Variants in CSGALNACT1 observed in about 807,000 individuals in gnomAD.
The protein encoded by CSGALNACT1 is chondroitin sulfate N-acetylgalactosaminyltransferase 1, also known as beta4GalNAcT-1.
Under a neutral mutation model 51.0 loss-of-function variants are expected in CSGALNACT1, and 52 were observed. The ratio of observed to expected loss-of-function variants is 1.02; its 90% CI spans 0.82 to 1.29. The LOEUF (loss-of-function observed/expected upper bound fraction) is 1.29, where lower values mean the gene tolerates loss of function less well. Among genes scored for constraint, CSGALNACT1 ranks in the 50% most tolerant of loss-of-function variants. The pLI is 0.00. For missense variants in CSGALNACT1, 935 were observed against 679.2 expected (o/e 1.38, Z -4.19); for synonymous variants, 341 against 254.4 (o/e 1.34, Z -3.24).
chr8:19,619,432 C>T lies in CSGALNACT1; in HGVS notation c.-543-17567G>A, dbSNP rs546082944. Reference sequence around the variant, plus strand: ...AGCCATGTCCTAAGTGCAATGGAGTCGCAAAGACCTTATTTGTGACATAGT... The same window carrying T: ...AGCCATGTCCTAAGTGCAATGGAGTTGCAAAGACCTTATTTGTGACATAGT... On this transcript the variant is annotated intron_variant, in intron 1 of 9. Coordinates refer to the CSGALNACT1 transcript ENST00000332246. 4.7e-4 allele frequency among the ~76,000 whole-genome samples: 71 copies of T among 152,068 alleles called. No individual in the cohort carries two copies. In the South Asian group the frequency reaches 0.014, roughly 29 times the overall value.
intron 1 of CSGALNACT1, among the ~76,000 whole-genome samples, chr8:19,608,829 A>T (rs77007580): frequency 0.047 from 7,132 of 152,260 alleles, 549 homozygotes; most frequent in African/African-American, 0.16. Flanking sequence ...TCACCAAACT[A>T]GAACAGGCAT....
chr8:19,617,024 G>A (rs2053124567), intron 1 of CSGALNACT1, among the ~76,000 whole-genome samples: 1 of 152,198 alleles, frequency 6.6e-6, no homozygotes, highest in Non-Finnish European at 1.5e-5. Flanking sequence ...TCACCATAAT[G>A]TTGAATTATT....
At chr8:19,404,838 ATTTTC>A (rs1044783105) in exon 10 of CSGALNACT1, 8 of 454,334 alleles carry the variant, frequency 1.8e-5, no homozygotes, top group African/African-American at 4.0e-5. Context: ...AGAAAGTGTC[ATTTTC>A]TTTTCCTCCA....
chr8:19,547,099 T>C (rs2086652605), intron 3 of CSGALNACT1, among the ~76,000 whole-genome samples: 4 of 152,094 alleles, frequency 2.6e-5, no homozygotes, highest in African/African-American at 9.7e-5. Context: ...TATAAAGTGA[T>C]ATCCTCAGTC....
At chr8:19,497,277 CCTT>C (rs558525517) in intron 4 of CSGALNACT1, among the ~76,000 whole-genome samples, 2 of 152,222 alleles carry the variant, frequency 1.3e-5, no homozygotes, top group South Asian at 2.1e-4. Context: ...AGTACAGAGA[CCTT>C]CTCTGAAATA....
intron 3 of CSGALNACT1, among the ~76,000 whole-genome samples, chr8:19,579,372 G>A (rs1021257980): frequency 1.3e-5 from 2 of 152,138 alleles, no homozygotes; most frequent in Non-Finnish European, 2.9e-5. Context: ...GTTTCTTCTA[G>A]AAGGCTCTGG....
chr8:19,627,516 C>G (rs995449591), intron 1 of CSGALNACT1, among the ~76,000 whole-genome samples: 2 of 152,028 alleles, frequency 1.3e-5, no homozygotes, highest in African/African-American at 4.8e-5. Flanking sequence ...TATACACACA[C>G]ACAAACACAA....
intron 3 of CSGALNACT1, among the ~76,000 whole-genome samples, chr8:19,574,750 G>C (rs536495342): frequency 6.6e-6 from 1 of 151,990 alleles, no homozygotes; most frequent in Non-Finnish European, 1.5e-5. Context: ...TCCTCTCTCC[G>C]GCCAGATGTG....
intron 4 of CSGALNACT1, among the ~76,000 whole-genome samples, chr8:19,501,998 T>C (rs776147410): frequency 2.0e-5 from 3 of 152,252 alleles, no homozygotes; most frequent in African/African-American, 7.2e-5. Context: ...AAAAAATCAC[T>C]TCCTCTGTGT....
intron 3 of CSGALNACT1, among the ~76,000 whole-genome samples, chr8:19,535,002 C>T (rs2083466128): frequency 6.6e-6 from 1 of 152,016 alleles, no homozygotes; most frequent in African/African-American, 2.4e-5. Context: ...AAGATGTTGC[C>T]AGGTTGAAGT....
In CSGALNACT1 at chr8:19,406,082, A is replaced by T. The variant is rs1020615160; in HGVS notation, c.1310-13T>A. On this transcript the variant is annotated splice_polypyrimidine_tract_variant and intron_variant, in intron 9 of 9. Transcript: ENST00000454498. ...AGATCAAACCCACCTGTCGGGACAG[A>T]ACACACTGTTGAATCACACTGCACT... 1.9e-6 allele frequency: 3 copies of T among 1,613,938 alleles called. No individual in the cohort carries two copies. The African/African-American group carries it at 4.0e-5, about 22-fold the overall frequency.
intron 1 of CSGALNACT1, among the ~76,000 whole-genome samples, chr8:19,722,902 C>A (rs2063202895): frequency 6.6e-6 from 1 of 152,224 alleles, no homozygotes; most frequent in South Asian, 2.1e-4. Flanking sequence ...AAAACAGAAG[C>A]AAGTACAACG....
rs1253193993 is a variant in CSGALNACT1, at chr8:19,439,920, A to T, written c.863T>A (p.Ile288Asn). 3.1e-6 allele frequency: 5 copies of T among 1,613,970 alleles called. No individual in the cohort carries two copies. The East Asian group carries it at 1.1e-4, about 36-fold the overall frequency. Residue 288 changes from isoleucine to asparagine, a missense_variant, in exon 6 of 10, where the codon ATT (isoleucine) becomes AAT (asparagine). By Grantham distance (149) the Ile-to-Asn change is moderately radical. Transcript: ENST00000454498. Reference sequence around the variant, plus strand: ...GAGATGGACTCTCCCATCCTGCTCAATGCACATCTCCCTGGAAAACAAAAC... The same window carrying T: ...GAGATGGACTCTCCCATCCTGCTCATTGCACATCTCCCTGGAAAACAAAAC...
chr8:19,509,995 T>C (rs990499000), intron 3 of CSGALNACT1, among the ~76,000 whole-genome samples: 9 of 152,180 alleles, frequency 5.9e-5, no homozygotes, highest in African/African-American at 1.9e-4. Flanking sequence ...AAGGAGTCCC[T>C]GTCAACAACA....
In CSGALNACT1 at chr8:19,439,935, G is replaced by C. The variant is rs771193000; in HGVS notation, c.852-4C>G. ...ATCCTGCTCAATGCACATCTCCCTG[G>C]AAAACAAAACACATGCATGTCTGGC... On this transcript the variant is annotated splice_region_variant and splice_polypyrimidine_tract_variant and intron_variant, in intron 5 of 9. Transcript: ENST00000454498. The C allele has an allele frequency of 2.5e-6, 4 of 1,612,166 alleles. No individual in the cohort carries two copies. Among genetic ancestry groups the C allele is most frequent in the African/African-American group, 1.3e-5 (1 of 74,974 alleles).
At chr8:19,710,563 G>T (rs1378205401) in intron 1 of CSGALNACT1, among the ~76,000 whole-genome samples, 2 of 152,064 alleles carry the variant, frequency 1.3e-5, no homozygotes, top group African/African-American at 4.8e-5. Flanking sequence ...AGCAAACAGG[G>T]CACAATGTTA....
chr8:19,619,041 T>G (rs547299562), intron 1 of CSGALNACT1, among the ~76,000 whole-genome samples: 1 of 152,198 alleles, frequency 6.6e-6, no homozygotes, highest in African/African-American at 2.4e-5. Context: ...CCCTGCCCTC[T>G]TAGAGAAGTC....
chr8:19,550,375 T>C (rs1367472050), intron 3 of CSGALNACT1, among the ~76,000 whole-genome samples: 1 of 152,200 alleles, frequency 6.6e-6, no homozygotes, highest in Non-Finnish European at 1.5e-5. Flanking sequence ...TGTGCTTTTA[T>C]TCTACTTTCT....
intron 4 of CSGALNACT1, among the ~76,000 whole-genome samples, chr8:19,502,976 A>G (rs948991816): frequency 6.6e-6 from 1 of 152,072 alleles, no homozygotes; most frequent in Non-Finnish European, 1.5e-5. Context: ...AAACATCACT[A>G]TTCTCAAAGC....
Sources: gnomAD v4.1 joint callset for allele counts (sites outside exome capture counted in the v4.1 genomes callset) on GRCh38, gnomAD v4.1.1 for gene constraint, MANE v1.5 for transcripts, NCBI Gene and HGNC (gene_info 2026-07-23, HGNC 2026-07-21) for gene names.